The following DLGAP2 variants were observed in gnomAD, a reference collection of about 807,000 sequenced individuals.
DLGAP2 encodes the protein disks large-associated protein 2.
Under a neutral mutation model 100.3 loss-of-function variants are expected in DLGAP2, and 26 were observed. The observed-to-expected ratio is 0.26, with a 90% confidence interval of 0.19 to 0.36. DLGAP2 has a LOEUF of 0.36. DLGAP2 is among the 10% of genes least tolerant of loss of function. The pLI is 1.00. For synonymous variants in DLGAP2, 886 were observed against 630.1 expected, an observed-to-expected ratio of 1.41 and a Z score of -6.08; for missense variants, 1,858 against 1,453.2, an observed-to-expected ratio of 1.28 and a Z score of -4.53.
At chr8:1,344,131 G>GGTCCGTGTACTCGGGGCCCTGTCGTAA (rs1563095039) in intron 3 of DLGAP2, among the ~76,000 whole-genome samples, 4 of 112,826 alleles carry the variant, frequency 3.5e-5, no homozygotes, top group East Asian at 4.2e-4. Flanking sequence ...CCCTGTCGTG[G>GGTCCGTGTACTCGGGGCCCTGTCGTAA]GTCCGTGTAC....
intron 8 of DLGAP2, among the ~76,000 whole-genome samples, chr8:1,648,915 T>C (rs1316193763): frequency 6.6e-6 from 1 of 152,196 alleles, no homozygotes; most frequent in African/African-American, 2.4e-5. Context: ...GGGGAAAACC[T>C]ACAAATCCTA....
Position 1,173,787 on chromosome 8 carries a change from C to A in DLGAP2, c.74-85064C>A, listed in dbSNP as rs576747794. 2.6e-5 allele frequency among the ~76,000 whole-genome samples: 4 copies of A among 152,268 alleles called. No individual in the cohort carries two copies. In the East Asian group the frequency reaches 7.7e-4, roughly 29 times the overall value. ...CGATTTTCCAGGTGCCGTCTGTCACCCCTTTCTTTGACTAGGAAAGGGAAC... is the reference window on the plus strand; with the variant it reads ...CGATTTTCCAGGTGCCGTCTGTCACACCTTTCTTTGACTAGGAAAGGGAAC... On this transcript the variant is annotated intron_variant, in intron 2 of 14. Transcript: ENST00000637795.
At chr8:855,679 G>A (rs539061748) in intron 1 of DLGAP2, among the ~76,000 whole-genome samples, 9 of 152,226 alleles carry the variant, frequency 5.9e-5, no homozygotes, top group South Asian at 2.1e-4. Flanking sequence ...TGGGATCATC[G>A]GTTACTGATT....
At chr8:749,885 G>A (rs1820747807) in intron 1 of DLGAP2, among the ~76,000 whole-genome samples, 1 of 152,146 alleles carries the variant, frequency 6.6e-6, no homozygotes, top group Admixed American at 6.5e-5. Flanking sequence ...GGCTTCTGAT[G>A]GCTCCAGGCA....
intron 1 of DLGAP2, among the ~76,000 whole-genome samples, chr8:863,511 G>A (rs1339105528): frequency 6.6e-6 from 1 of 152,204 alleles, no homozygotes; most frequent in Non-Finnish European, 1.5e-5. Flanking sequence ...TCAGGATGCT[G>A]GATATTAACC....
chr8:1,046,076 G>T (rs1802506453), intron 2 of DLGAP2, among the ~76,000 whole-genome samples: 1 of 152,186 alleles, frequency 6.6e-6, no homozygotes, highest in East Asian at 1.9e-4. Context: ...GTCACGGAAA[G>T]CAGCCCAGCA....
At chr8:1,329,072 G>A (rs896850174) in intron 3 of DLGAP2, among the ~76,000 whole-genome samples, 3 of 151,300 alleles carry the variant, frequency 2.0e-5, no homozygotes, top group Admixed American at 6.6e-5. Flanking sequence ...TGCGACAGGC[G>A]ACAGGTGACA....
chr8:858,444 G>A (rs189138647), intron 1 of DLGAP2, among the ~76,000 whole-genome samples: 13 of 152,304 alleles, frequency 8.5e-5, no homozygotes, highest in Non-Finnish European at 1.5e-4. Flanking sequence ...GTGAATGGGC[G>A]GAGCCCAGAG....
intron 6 of DLGAP2, among the ~76,000 whole-genome samples, chr8:1,595,761 C>G (rs2130687616): frequency 6.6e-6 from 1 of 151,898 alleles, no homozygotes; most frequent in East Asian, 1.9e-4. Context: ...AAATTCACCA[C>G]TACCCTGCCT....
chr8:1,601,012 C>G (rs546625877), intron 6 of DLGAP2, among the ~76,000 whole-genome samples: 1 of 152,280 alleles, frequency 6.6e-6, no homozygotes, highest in South Asian at 2.1e-4. Context: ...ATGGATTTAT[C>G]TATCTTTGTT....
chr8:770,135 C>T (rs1323924937), intron 1 of DLGAP2, among the ~76,000 whole-genome samples: 1 of 152,176 alleles, frequency 6.6e-6, no homozygotes, highest in Non-Finnish European at 1.5e-5. Context: ...AAAGAAGAAA[C>T]ATACATTATC....
At chr8:958,456 G>A (rs928100313) in intron 2 of DLGAP2, among the ~76,000 whole-genome samples, 1 of 151,902 alleles carries the variant, frequency 6.6e-6, no homozygotes, top group Admixed American at 6.6e-5. Flanking sequence ...TGGTGATTCT[G>A]GTTTTCATTG....
intron 2 of DLGAP2, among the ~76,000 whole-genome samples, chr8:1,026,949 A>G (rs758790888): frequency 5.9e-5 from 9 of 152,258 alleles, no homozygotes; most frequent in African/African-American, 1.2e-4. Flanking sequence ...TGCCTGTTCT[A>G]TAAATTTTTA....
chr8:1,687,194 A>G (rs1431847406), intron 12 of DLGAP2, among the ~76,000 whole-genome samples: 1 of 152,224 alleles, frequency 6.6e-6, no homozygotes, highest in Non-Finnish European at 1.5e-5. Context: ...CAAATTTTAT[A>G]AAAATCCATC....
intron 2 of DLGAP2, among the ~76,000 whole-genome samples, chr8:1,242,520 C>G (rs769199444): frequency 6.6e-6 from 1 of 152,220 alleles, no homozygotes; most frequent in South Asian, 2.1e-4. Flanking sequence ...CCCACTTCCT[C>G]TTCAATCCTG....
chr8:765,820 C>T (rs991389200), intron 1 of DLGAP2, among the ~76,000 whole-genome samples: 1 of 152,146 alleles, frequency 6.6e-6, no homozygotes, highest in African/African-American at 2.4e-5. Flanking sequence ...GATGCACACA[C>T]AAATGCACAA....
At chr8:1,131,075 G>T (rs914226029) in intron 2 of DLGAP2, among the ~76,000 whole-genome samples, 1 of 152,118 alleles carries the variant, frequency 6.6e-6, no homozygotes, top group Admixed American at 6.5e-5. Flanking sequence ...GAAAAAACAT[G>T]TTTGTTTTTT....
intron 3 of DLGAP2, among the ~76,000 whole-genome samples, chr8:1,276,244 C>G (rs866707762): frequency 7.3e-5 from 11 of 151,436 alleles, no homozygotes; most frequent in Middle Eastern, 7.0e-3. Flanking sequence ...TGTTATATTT[C>G]TTTCATAACA....
chr8:1,610,538 CA>C (rs1366814048), intron 6 of DLGAP2, among the ~76,000 whole-genome samples: 2 of 139,402 alleles, frequency 1.4e-5, no homozygotes, highest in South Asian at 2.6e-4. Context: ...TAACTAAAAT[CA>C]GAGCAGAACT....
Sources: allele counts gnomAD v4.1 joint callset (sites outside exome capture counted in the v4.1 genomes callset), GRCh38; gene constraint gnomAD v4.1.1; transcripts MANE v1.5; gene names NCBI Gene and HGNC (gene_info 2026-07-23, HGNC 2026-07-21).